TRIM9: variants seen among roughly 807,000 people sequenced by gnomAD.
TRIM9 encodes E3 ubiquitin-protein ligase TRIM9.
In TRIM9, 26 loss-of-function variants were observed where a neutral mutation model predicts 78.3. The observed-to-expected ratio is 0.33, with a 90% CI of 0.24 to 0.46. The LOEUF (loss-of-function observed/expected upper bound fraction) is 0.46. Ranked by LOEUF, TRIM9 falls within the 20% of genes least tolerant of loss-of-function variation. TRIM9 has a pLI of 1.00. For missense variants in TRIM9, 787 were observed against 1,036.4 expected, an observed-to-expected ratio of 0.76 and a Z score of 3.30; for synonymous variants, 398 against 416.5, an observed-to-expected ratio of 0.96 and a Z score of 0.54.
chr14:51,081,777 T>C (rs777309108), intron 1 of TRIM9, among the ~76,000 whole-genome samples: 2 of 152,186 alleles, frequency 1.3e-5, no homozygotes, highest in Non-Finnish European at 2.9e-5. Flanking sequence ...TACTGGTTTA[T>C]TATGGAGGAT....
At chr14:51,019,604 A>G (rs2057552894) in intron 3 of TRIM9, among the ~76,000 whole-genome samples, 1 of 152,246 alleles carries the variant, frequency 6.6e-6, no homozygotes, top group South Asian at 2.1e-4. Flanking sequence ...ATGGTATCAT[A>G]GAAAACAAGC....
At chr14:51,089,513 A>G (rs572922848) in intron 1 of TRIM9, 11 of 152,328 alleles carry the variant, frequency 7.2e-5, no homozygotes, top group African/African-American at 2.6e-4. Context: ...AACTCCAATT[A>G]ATAGCATCTT....
intron 1 of TRIM9, among the ~76,000 whole-genome samples, chr14:51,067,667 T>G (rs1336787094): frequency 1.3e-5 from 2 of 152,084 alleles, no homozygotes; most frequent in African/African-American, 4.8e-5. Context: ...GGCTGGCCCT[T>G]CCTGCAGATC....
chr14:51,011,610 C>A (rs576273117), intron 3 of TRIM9, among the ~76,000 whole-genome samples: 1 of 152,216 alleles, frequency 6.6e-6, no homozygotes, highest in South Asian at 2.1e-4. Flanking sequence ...TGGATAATAG[C>A]CAAAAGAGAA....
chr14:51,029,808 C>G (rs1008741146), intron 1 of TRIM9, among the ~76,000 whole-genome samples: 3 of 152,166 alleles, frequency 2.0e-5, no homozygotes, highest in African/African-American at 7.2e-5. Context: ...ACATACGGAA[C>G]AGCTGGAACA....
At chr14:51,091,995 AT>A (rs1314655655) in intron 1 of TRIM9, among the ~76,000 whole-genome samples, 1 of 152,232 alleles carries the variant, frequency 6.6e-6, no homozygotes, top group African/African-American at 2.4e-5. Context: ...CATAAAAAAA[AT>A]AATAATGTTG....
chr14:51,053,935 A>C (rs1468370110), intron 1 of TRIM9, among the ~76,000 whole-genome samples: 1 of 152,236 alleles, frequency 6.6e-6, no homozygotes, highest in Non-Finnish European at 1.5e-5. Flanking sequence ...TTGCTGTCTT[A>C]AAATCACTAA....
intron 1 of TRIM9, among the ~76,000 whole-genome samples, chr14:51,036,336 A>T (rs2059149995): frequency 1.3e-5 from 2 of 152,194 alleles, no homozygotes; most frequent in African/African-American, 4.8e-5. Flanking sequence ...TCAGCACACC[A>T]CTGTATATAC....
At chr14:50,979,357 GC>G in intron 12 of TRIM9, 29 bp downstream of exon 12, 1 of 1,614,220 alleles carries the variant, frequency 6.2e-7, no homozygotes, top group Non-Finnish European at 8.5e-7. Context: ...GCCAGCAACA[GC>G]TGTTTAACCT....
chr14:51,002,947 A>G (rs531398233), intron 5 of TRIM9, among the ~76,000 whole-genome samples: 1 of 152,360 alleles, frequency 6.6e-6, no homozygotes, highest in East Asian at 1.9e-4. Context: ...AAATCTTATC[A>G]AAGAGCTACA....
intron 6 of TRIM9, 63 bp from the exon 7 acceptor site, chr14:50,998,251 A>G (rs753762298): frequency 4.0e-6 from 6 of 1,512,094 alleles, no homozygotes; most frequent in Non-Finnish European, 5.5e-6. Context: ...CGAGGGAGGC[A>G]GTGTCGCTCA....
Position 50,976,504 on chromosome 14 carries a change from G to T in TRIM9, c.*787C>A, listed in dbSNP as rs2051100602. 6.6e-6 allele frequency: 1 copy of T among 152,292 alleles called. No individual in the cohort carries two copies. The highest frequency in any genetic ancestry group is 2.4e-5 in the African/African-American group (1 of 41,432). The allele number at this position is 152,292 out of a possible 1,614,324, so 9.4% of individuals were successfully genotyped here. On this transcript the variant is annotated 3_prime_UTR_variant, in exon 13 of 13. Coordinates refer to ENST00000684578, the MANE Select transcript of TRIM9 (RefSeq NM_001387360.1). ...AGTGTCTAGAACATAATGTTCTAGT[G>T]TCTTGAACAGTGCCTGGTCAATAGT...
rs531963544 is a variant in TRIM9, at chr14:51,028,712, G to T, written c.823-3352C>A. On this transcript the variant is annotated intron_variant, in intron 1 of 12. Coordinates refer to ENST00000684578, the MANE Select transcript of TRIM9 (RefSeq NM_001387360.1). ...TTGGATATTTGTTTTCTAGGTTACT[G>T]AAAAGGTGTCACGATCTGAAGGTGA... Among the ~76,000 whole-genome samples the T allele has an allele frequency of 4.6e-5, 7 of 152,308 alleles. No homozygotes were observed. The South Asian group carries it at 1.4e-3, about 32-fold the overall frequency.
At chr14:51,037,434 C>T (rs1275289956) in intron 1 of TRIM9, among the ~76,000 whole-genome samples, 2 of 151,868 alleles carry the variant, frequency 1.3e-5, no homozygotes, top group African/African-American at 4.8e-5. Flanking sequence ...AAAACAAAAA[C>T]AAAAACAAAA....
At chr14:51,080,436 AACACACAC>A (rs34062978) in intron 1 of TRIM9, among the ~76,000 whole-genome samples, 17,660 of 143,798 alleles carry the variant, frequency 0.12, 1,680 homozygotes, top group African/African-American at 0.24. Flanking sequence ...AGTTTTATTG[AACACACAC>A]ACACACACAC....
intron 4 of TRIM9, among the ~76,000 whole-genome samples, chr14:51,010,169 C>T (rs2056395725): frequency 1.3e-5 from 2 of 151,714 alleles, no homozygotes; most frequent in South Asian, 4.2e-4. Flanking sequence ...AGCCCATGGA[C>T]CTCTCAGACT....
chr14:51,024,477 A>G (rs1346041041), intron 2 of TRIM9, among the ~76,000 whole-genome samples: 1 of 152,218 alleles, frequency 6.6e-6, no homozygotes, highest in African/African-American at 2.4e-5. Flanking sequence ...AACTTAGGCA[A>G]TTTACTGGAG....
chr14:51,026,992 C>A (rs977610502), intron 1 of TRIM9, among the ~76,000 whole-genome samples: 2 of 152,182 alleles, frequency 1.3e-5, no homozygotes, highest in Non-Finnish European at 2.9e-5. Flanking sequence ...CATTGTTTTA[C>A]CTCATCCATA....
At chr14:51,078,419 G>A (rs1353706675) in intron 1 of TRIM9, among the ~76,000 whole-genome samples, 1 of 152,064 alleles carries the variant, frequency 6.6e-6, no homozygotes, top group African/African-American at 2.4e-5. Context: ...CGATAGCCAA[G>A]ATATGGAAAC....
Sources: gnomAD v4.1 joint callset for allele counts (sites outside exome capture counted in the v4.1 genomes callset) on GRCh38, gnomAD v4.1.1 for gene constraint, MANE v1.5 for transcripts, NCBI Gene and HGNC (gene_info 2026-07-23, HGNC 2026-07-21) for gene names.